Variants in CENPE observed in about 807,000 individuals in gnomAD.
The protein encoded by CENPE is centromere protein E, also known as centromere-associated protein E.
CENPE carries 145 observed loss-of-function variants against 336.1 expected under a neutral mutation model. The ratio of observed to expected loss-of-function variants is 0.43; its 90% confidence interval spans 0.38 to 0.50. The LOEUF (loss-of-function observed/expected upper bound fraction) is 0.50. Among genes scored for constraint, CENPE ranks in the 20% least tolerant of loss-of-function variants. CENPE has a pLI of 0.00. For synonymous variants in CENPE, 1,013 were observed against 984.8 expected (o/e 1.03, Z -0.54); for missense variants, 2,719 against 3,023.3 (o/e 0.90, Z 2.36).
At chr4:103,198,036 C>A (rs1757872517) in intron 1 of CENPE, among the ~76,000 whole-genome samples, 1 of 152,250 alleles carries the variant, frequency 6.6e-6, no homozygotes, top group South Asian at 2.1e-4. Context: ...GTCTGTATGT[C>A]AGCGAGACTG....
At chr4:103,122,100 G>A (rs12506198) in intron 43 of CENPE, among the ~76,000 whole-genome samples, 27,488 of 152,052 alleles carry the variant, frequency 0.18, 2,603 homozygotes, top group Middle Eastern at 0.31. Flanking sequence ...TATATTGGTA[G>A]ATGGATTTCA....
chr4:103,116,713 AAAAT>A (rs751020953), intron 44 of CENPE, 24 bp from the exon 45 acceptor site: 1 of 1,300,212 alleles, frequency 7.7e-7, no homozygotes, highest in South Asian at 1.4e-5. Context: ...AGAGAAAATA[AAAAT>A]AATTATTAGA....
intron 18 of CENPE, among the ~76,000 whole-genome samples, chr4:103,162,182 C>T (rs555233785): frequency 3.3e-5 from 5 of 151,812 alleles, no homozygotes; most frequent in Admixed American, 3.3e-4. Flanking sequence ...ATGGTATGAA[C>T]CCCTTTGAAA....
chr4:103,140,588 A>T (rs1752464112), intron 36 of CENPE, among the ~76,000 whole-genome samples, 174 bp from the exon 37 acceptor site: 1 of 152,146 alleles, frequency 6.6e-6, no homozygotes, highest in Non-Finnish European at 1.5e-5. Flanking sequence ...AGCCTCACCC[A>T]TAGCCTTCTC....
intron 28 of CENPE, 142 bp from the exon 29 acceptor site, chr4:103,147,788 G>T (rs2125934057): frequency 1.5e-6 from 1 of 665,800 alleles, no homozygotes; most frequent in Non-Finnish European, 2.5e-6. Context: ...CTGCCTCCTG[G>T]GTTCAAGAGA....
intron 16 of CENPE, among the ~76,000 whole-genome samples, chr4:103,172,617 G>T (rs1755505723): frequency 6.6e-6 from 1 of 151,902 alleles, no homozygotes; most frequent in African/African-American, 2.4e-5. Flanking sequence ...AGGCAAAAGA[G>T]AAAAATAAAA....
intron 13 of CENPE, among the ~76,000 whole-genome samples, chr4:103,178,409 C>T (rs1756058325): frequency 6.6e-6 from 1 of 152,190 alleles, no homozygotes; most frequent in South Asian, 2.1e-4. Flanking sequence ...CCTGCCATCT[C>T]AGCAGAAGAA....
At chr4:103,190,143 G>C (rs1578692843) in intron 8 of CENPE, among the ~76,000 whole-genome samples, 1 of 152,176 alleles carries the variant, frequency 6.6e-6, no homozygotes, top group African/African-American at 2.4e-5. Context: ...AAATAAAAGA[G>C]GATACAAACA....
chr4:103,140,684 G>A, intron 36 of CENPE, 130 bp downstream of exon 36: 1 of 693,622 alleles, frequency 1.4e-6, no homozygotes, highest in South Asian at 2.2e-5. Flanking sequence ...TATACAGATA[G>A]TGCCTTATTA....
rs146191687 is a variant in CENPE, at chr4:103,149,337, C to G, written c.3468G>C (p.Lys1156Asn). The change falls in exon 27 of 49, where the codon AAG becomes AAC. Residue 1156 changes from lysine (K) to asparagine (N), a missense_variant. Coordinates refer to ENST00000265148, the MANE Select transcript of CENPE (RefSeq NM_001813.3). Reference protein sequence around the residue: ...VQEEMSEMQKKINEIENLKNE... With the variant: ...VQEEMSEMQKNINEIENLKNE... Reference sequence around the variant, plus strand: ...TCTTTAAATTCTCTATTTCATTAATCTTTTTCTGCATCTCACTCATCTCTT... The same window carrying G: ...TCTTTAAATTCTCTATTTCATTAATGTTTTTCTGCATCTCACTCATCTCTT... 6.2e-7 allele frequency: 1 copy of G among 1,609,344 alleles called. No homozygotes were observed. Among genetic ancestry groups the G allele is most frequent in the Non-Finnish European group, 8.5e-7 (1 of 1,178,956 alleles).
At chr4:103,191,670 A>G (rs537622636) in intron 8 of CENPE, among the ~76,000 whole-genome samples, 4 of 151,710 alleles carry the variant, frequency 2.6e-5, no homozygotes, top group African/African-American at 7.2e-5. Context: ...AGGGGGGGAT[A>G]GCATTAGGAG....
At chr4:103,144,885 C>T (rs986673669) in intron 32 of CENPE, among the ~76,000 whole-genome samples, 165 bp downstream of exon 32, 5 of 152,118 alleles carry the variant, frequency 3.3e-5, no homozygotes, top group Admixed American at 6.5e-5. Flanking sequence ...TGTCTACTAA[C>T]AGTTTACTGG....
intron 13 of CENPE, 80 bp downstream of exon 13, chr4:103,180,231 G>A (rs186144867): frequency 2.2e-4 from 284 of 1,268,392 alleles, no homozygotes; most frequent in Non-Finnish European, 2.9e-4. Flanking sequence ...GATAGAAAGT[G>A]CATACTATAT....
chr4:103,142,982 C>A (rs72665063), intron 34 of CENPE, among the ~76,000 whole-genome samples: 10 of 126,916 alleles, frequency 7.9e-5, no homozygotes, highest in African/African-American at 3.1e-4. Flanking sequence ...GCACTCCAGG[C>A]GACAGAGCGA....
At chr4:103,176,824 G>T in intron 14 of CENPE, 75 bp downstream of exon 14, 2 of 1,080,564 alleles carry the variant, frequency 1.9e-6, no homozygotes, top group East Asian at 2.5e-5. Flanking sequence ...CACATTAACT[G>T]AGCTATAAAC....
Position 103,176,891 on chromosome 4 carries a change from G to A in CENPE, c.1390+8C>T. 1 of 1,558,106 alleles carries A rather than the reference G, an allele frequency of 6.4e-7. No homozygotes were observed. The highest frequency in any genetic ancestry group is 8.7e-7 in the Non-Finnish European group (1 of 1,150,480). On this transcript the variant is annotated splice_region_variant and intron_variant, in intron 14 of 48. Transcript: ENST00000265148. ...TTAAACATAGTTCCACTTGAAAAAA[G>A]CACTCACATTCATCAATTTCTCGTA... is the stretch of plus-strand genomic sequence containing the variant.
intron 16 of CENPE, among the ~76,000 whole-genome samples, chr4:103,170,893 A>G (rs958250122): frequency 6.6e-6 from 1 of 152,188 alleles, no homozygotes; most frequent in Admixed American, 6.5e-5. Context: ...AGCTATACTT[A>G]TATCAGCTAA....
At chr4:103,194,769 T>G in intron 5 of CENPE, 85 bp from the exon 6 acceptor site, 3 of 995,740 alleles carry the variant, frequency 3.0e-6, no homozygotes, top group African/African-American at 1.7e-5. Context: ...TATTATAGAA[T>G]TCATTTGTGA....
At chr4:103,159,804 A>T in intron 21 of CENPE, among the ~76,000 whole-genome samples, 1 of 152,030 alleles carries the variant, frequency 6.6e-6, no homozygotes, top group South Asian at 2.1e-4. Context: ...AAAAATAAAA[A>T]TAGAAGTACC....
Sources: allele counts gnomAD v4.1 joint callset (sites outside exome capture counted in the v4.1 genomes callset), GRCh38; gene constraint gnomAD v4.1.1; transcripts MANE v1.5; gene names NCBI Gene and HGNC (gene_info 2026-07-23, HGNC 2026-07-21).